Variants in CAPN9 observed in about 807,000 individuals in gnomAD.
CAPN9 encodes calpain 9.
CAPN9 carries 81 observed loss-of-function variants against 92.8 expected under a neutral mutation model. That is an observed-to-expected ratio of 0.87 (90% CI 0.73 to 1.05). The LOEUF is 1.05. Ranked by LOEUF, CAPN9 falls within the 50% of genes least tolerant of loss-of-function variation. The pLI, the probability that CAPN9 is intolerant of heterozygous loss-of-function variation, is 0.00. For missense variants in CAPN9, 848 were observed against 866.2 expected (o/e 0.98, Z 0.26); for synonymous variants, 304 against 328.0 (o/e 0.93, Z 0.79).
intron 4 of CAPN9, among the ~76,000 whole-genome samples, chr1:230,766,421 A>G (rs1665988523): frequency 2.0e-5 from 3 of 152,244 alleles, no homozygotes; most frequent in Admixed American, 2.0e-4. Context: ...CACCTCAAGC[A>G]TTTATCATTT....
At chr1:230,751,672 AAAGAAAGAAAG>A (rs1558080323) in intron 1 of CAPN9, among the ~76,000 whole-genome samples, 9 of 43,590 alleles carry the variant, frequency 2.1e-4, no homozygotes, top group East Asian at 1.5e-3. Flanking sequence ...AGAAAGAAAG[AAAGAAAGAAAG>A]AAGGGTGGCT....
rs779954945 is a variant in CAPN9 at position 230,780,570 on chromosome 1, C to T, written c.1343C>T (p.Thr448Met). The change falls in exon 11 of 20, where the codon ACG becomes ATG. Residue 448 changes from threonine to methionine, a missense_variant. Transcript: ENST00000271971. ...RYHASRARSK[T>M]FINLREVSDR... ...CACGCTTCTCGGGCCAGAAGCAAGA[C>T]GTTCATCAACCTGAGAGAAGTCTCC... The T allele has an allele frequency of 1.1e-5, 17 of 1,614,188 alleles. No homozygotes were observed. Among genetic ancestry groups the T allele is most frequent in the South Asian group, 3.3e-5 (3 of 91,082 alleles).
At chr1:230,769,616 C>CCTATCTATCTATCTATCTAT (rs10557166) in intron 6 of CAPN9, among the ~76,000 whole-genome samples, 1 of 115,980 alleles carries the variant, frequency 8.6e-6, no homozygotes, top group African/African-American at 3.3e-5. Flanking sequence ...CACACACACA[C>CCTATCTATCTATCTATCTAT]CTATCTATCT....
chr1:230,749,643 G>A (rs7533618), intron 1 of CAPN9, among the ~76,000 whole-genome samples: 110,945 of 152,108 alleles, frequency 0.73, 40,851 homozygotes, highest in African/African-American at 0.8. Flanking sequence ...GTTTCATACA[G>A]ATGCTCATGT....
At chr1:230,774,739 C>CTTTTTTTTTTTTTT in intron 8 of CAPN9, 108 bp downstream of exon 8, 1 of 385,288 alleles carries the variant, frequency 2.6e-6, no homozygotes, top group Non-Finnish European at 4.6e-6. Context: ...TTCTTTCTTT[C>CTTTTTTTTTTTTTT]TTTTTTTTTT....
Position 230,790,232 on chromosome 1 carries a change from G to A in CAPN9, c.1657+43G>A, listed in dbSNP as rs200645505. ...CGGGGTCCTGGGGCACCTATGGAGGGACAAGCGACCACACTGCCTGGGTCC... is the reference window on the plus strand; with the variant it reads ...CGGGGTCCTGGGGCACCTATGGAGGAACAAGCGACCACACTGCCTGGGTCC... On this transcript the variant is annotated intron_variant, in intron 14 of 19. Transcript: ENST00000271971. 4.0e-5 allele frequency: 65 copies of A among 1,610,000 alleles called. No homozygotes were observed. In the African/African-American group the frequency reaches 7.6e-4, roughly 19 times the overall value.
Position 230,770,492 on chromosome 1 carries a change from C to T in CAPN9, c.789+1229C>T, listed in dbSNP as rs546517667. ...CCTTAAAGCAAATATCTGGGCACCC[C>T]ATGGCCCAGTCAAGTTGACACATAA... is the stretch of plus-strand genomic sequence containing the variant. On this transcript the variant is annotated intron_variant, in intron 6 of 19. Transcript: ENST00000271971. 2.6e-5 allele frequency among the ~76,000 whole-genome samples: 4 copies of T among 152,292 alleles called. No individual in the cohort carries two copies. The East Asian group carries it at 5.8e-4, about 22-fold the overall frequency.
At position 230,795,164 on chromosome 1, in the gene CAPN9, CT is replaced by C. The variant is rs766949195; in HGVS notation, c.1875del (p.Gln626SerfsTer2). ...GGGTCTCCTCCTTTGTCCCCACAGG[CT>C]TTCAGCTGAGCAGCCACCTCCTGCA... ...ELRTALKAAG[F>X]QLSSHLLQLI... On this transcript the variant is annotated frameshift_variant and splice_region_variant, in exon 18 of 20. Coordinates refer to ENST00000271971, the MANE Select transcript of CAPN9 (RefSeq NM_006615.3). LOFTEE classifies it high-confidence loss of function. 1.6e-5 allele frequency: 25 copies of C among 1,605,994 alleles called. No individual in the cohort carries two copies. In the African/African-American group the frequency reaches 2.1e-4, roughly 14 times the overall value.
At chr1:230,800,290 GAAAGAAAGAAAGAAAGGAAA>G (rs879851827) in intron 19 of CAPN9, among the ~76,000 whole-genome samples, 2,307 of 116,498 alleles carry the variant, frequency 0.02, 118 homozygotes, top group Middle Eastern at 0.035. Flanking sequence ...AAGAAAGAAA[GAAAGAAAGAAAGAAAGGAAA>G]AACAAGAGAG....
chr1:230,755,935 C>T (rs1665196253), intron 2 of CAPN9, among the ~76,000 whole-genome samples: 1 of 152,202 alleles, frequency 6.6e-6, no homozygotes, highest in Non-Finnish European at 1.5e-5. Flanking sequence ...TGGGGAGCCG[C>T]TCCCCAGCAA....
intron 5 of CAPN9, 78 bp downstream of exon 5, chr1:230,767,787 T>A (rs936214239): frequency 1.5e-6 from 2 of 1,339,820 alleles, no homozygotes; most frequent in Non-Finnish European, 2.1e-6. Flanking sequence ...GCTGGGGCTG[T>A]ACCAGGTACC....
At chr1:230,773,065 TG>T (rs1336133677) in intron 7 of CAPN9, among the ~76,000 whole-genome samples, 2 of 152,006 alleles carry the variant, frequency 1.3e-5, no homozygotes, top group East Asian at 3.9e-4. Context: ...GTCTAGAACT[TG>T]GTTAAAACTG....
rs1214433995 is a variant in CAPN9, at chr1:230,795,296, G to T, written c.1987+17G>T. 2 of 1,524,842 alleles carry T rather than the reference G, an allele frequency of 1.3e-6. No individual in the cohort carries two copies. The highest frequency in any genetic ancestry group is 1.8e-6 in the Non-Finnish European group (2 of 1,099,170). The allele number at this position is 1,524,842 out of a possible 1,614,324, so 94.5% of individuals were successfully genotyped here. On this transcript the variant is annotated intron_variant, in intron 18 of 19. Coordinates refer to ENST00000271971, the MANE Select transcript of CAPN9 (RefSeq NM_006615.3). The stretch of plus-strand genomic sequence containing the variant: ...ATGCGAGCCGTAAGTGTCCAGCGAG[G>T]CTGAGGGTGCACCTCGGGGTGGCAT...
intron 5 of CAPN9, among the ~76,000 whole-genome samples, chr1:230,768,706 A>AT (rs879379940): frequency 2.0e-5 from 3 of 151,842 alleles, no homozygotes; most frequent in Non-Finnish European, 2.9e-5. Flanking sequence ...GACACTATGT[A>AT]TTTTTTTTAA....
rs866894360 is a variant in CAPN9 at position 230,800,263 on chromosome 1, A to T, written c.2047-1307A>T. Among the ~76,000 whole-genome samples, 98 of 129,714 alleles carry T rather than the reference A, an allele frequency of 7.6e-4. 4 individuals carry two copies. Among genetic ancestry groups the T allele is most frequent in the Middle Eastern group, 4.2e-3 (1 of 240 alleles). The allele number at this position is 129,714 out of a possible 152,430, so 85.1% of individuals were successfully genotyped here. On this transcript the variant is annotated intron_variant, in intron 19 of 19. Coordinates refer to ENST00000271971, the MANE Select transcript of CAPN9 (RefSeq NM_006615.3). ...GAAAGAAAGAAAGAAAGAAAGAAAG[A>T]AAGAAAGAAAGAAAGAAAGAAAGAA... is the stretch of plus-strand genomic sequence containing the variant.
chr1:230,774,558 C>A lies in CAPN9; in HGVS notation c.880C>A (p.Pro294Thr). 1 of 1,612,466 alleles carries A rather than the reference C, an allele frequency of 6.2e-7. No individual in the cohort carries two copies. Among genetic ancestry groups the A allele is most frequent in the East Asian group, 2.2e-5 (1 of 44,854 alleles). The change falls in exon 8 of 20, where the codon CCG becomes ACG. Residue 294 changes from proline to threonine, a missense_variant. By Grantham distance (38) the Pro-to-Thr change is conservative. Transcript: ENST00000271971. ...ACCAATTTTGTTTACTCCTAGTTCT[C>A]CGGAGTGGCGTTCTGTTGGTCCAGC... ...EWNGSWSDSS[P>T]EWRSVGPAEQ... is the part of the protein sequence containing the mutation.
Position 230,790,375 on chromosome 1 carries a change from A to G in CAPN9, c.1657+186A>G, listed in dbSNP as rs139592682. 4.2e-5 allele frequency: 39 copies of G among 918,092 alleles called. No homozygotes were observed. The African/African-American group carries it at 6.6e-4, about 16-fold the overall frequency. The allele number at this position is 918,092 out of a possible 1,614,324, so 56.9% of individuals were successfully genotyped here. ...CAAAAACGATGCAGGTTTATAGTAG[A>G]AAATTCTTAAAAATGCAGAAAAGCC... On this transcript the variant is annotated intron_variant, in intron 14 of 19. Coordinates refer to ENST00000271971, the MANE Select transcript of CAPN9 (RefSeq NM_006615.3).
intron 2 of CAPN9, among the ~76,000 whole-genome samples, chr1:230,757,719 C>CA (rs35948414): frequency 0.038 from 3,988 of 104,198 alleles, 226 homozygotes; most frequent in East Asian, 0.18. Context: ...ACATCTCTAT[C>CA]AAAAAAAAAA....
At chr1:230,789,941 T>C (rs377749149) in intron 13 of CAPN9, among the ~76,000 whole-genome samples, 191 bp from the exon 14 acceptor site, 21 of 152,288 alleles carry the variant, frequency 1.4e-4, no homozygotes, top group African/African-American at 4.8e-4. Flanking sequence ...GGCTGGCATG[T>C]CCCTAAAACA....
Sources: allele counts gnomAD v4.1 joint callset (sites outside exome capture counted in the v4.1 genomes callset), GRCh38; gene constraint gnomAD v4.1.1; transcripts MANE v1.5; gene names NCBI Gene and HGNC (gene_info 2026-07-23, HGNC 2026-07-21).